The following UBN2 variants were observed in gnomAD, a reference collection of about 807,000 sequenced individuals.
The protein encoded by UBN2 is ubinuclein 2, also known as ubinuclein-2.
Under a neutral mutation model 120.2 loss-of-function variants are expected in UBN2, and 35 were observed. The observed-to-expected ratio is 0.29, with a 90% CI of 0.22 to 0.39. The LOEUF is 0.39. UBN2 is among the 10% of genes least tolerant of loss of function. UBN2 has a pLI of 1.00. For synonymous variants in UBN2, 661 were observed against 648.7 expected (o/e 1.02, Z -0.29); for missense variants, 1,693 against 1,663.2 (o/e 1.02, Z -0.31).
At position 139,237,012 on chromosome 7, in the gene UBN2, T is replaced by C; in HGVS notation, c.476T>C (p.Leu159Pro). 3.1e-6 allele frequency: 5 copies of C among 1,607,384 alleles called. No individual in the cohort carries two copies. The highest frequency in any genetic ancestry group is 1.7e-4 in the Middle Eastern group (1 of 6,030). The part of the protein sequence containing the change: ...LLLCGEQRKK[L>P]IHTEDPFNDE... ...CCATTCACCTTGAATCAGAAGAAGC[T>C]CATTCACACAGAAGACCCATTTAAT... The change falls in exon 2 of 18, where the codon CTC becomes CCC. Residue 159 changes from leucine (L) to proline (P), a missense_variant. Leu to Pro is a moderately conservative substitution (Grantham distance 98). Around this residue, in one of 5 missense-constraint regions of UBN2, gnomAD observed 663 missense variants for 591.2 expected, o/e 1.12. Transcript: ENST00000473989.
the UBN2 span, among the ~76,000 whole-genome samples, chr7:139,325,262 T>TTTC: frequency 0.015 from 1,062 of 70,318 alleles, 9 homozygotes; most frequent in East Asian, 0.042. Context: ...AAATCACTGC[T>TTTC]TTTTTTTTTT....
At chr7:139,323,857 A>G in the UBN2 span, among the ~76,000 whole-genome samples, 2 of 152,064 alleles carry the variant, frequency 1.3e-5, no homozygotes, top group East Asian at 3.9e-4. Context: ...CGTAGATGCA[A>G]GGAAAAAGCG....
intron 15 of UBN2, among the ~76,000 whole-genome samples, chr7:139,292,806 C>T (rs1050713629): frequency 1.3e-5 from 2 of 152,058 alleles, no homozygotes; most frequent in African/African-American, 2.4e-5. Flanking sequence ...ACCTTGGCCT[C>T]GTCTCTCTAA....
chr7:139,311,313 G>T (rs935152806), downstream of UBN2, among the ~76,000 whole-genome samples: 3 of 152,272 alleles, frequency 2.0e-5, no homozygotes, highest in South Asian at 2.1e-4. Context: ...GGCGTAGTTT[G>T]TTTTTTCTCC....
chr7:139,274,481 G>A (rs187213097), intron 11 of UBN2, among the ~76,000 whole-genome samples: 302 of 152,256 alleles, frequency 2.0e-3, no homozygotes, highest in Middle Eastern at 3.4e-3. Context: ...TCAGTGTAGA[G>A]GCCAGGCACA....
chr7:139,273,143 C>T (rs932029491), intron 9 of UBN2, among the ~76,000 whole-genome samples, 154 bp from the exon 10 acceptor site: 1 of 152,202 alleles, frequency 6.6e-6, no homozygotes, highest in African/African-American at 2.4e-5. Flanking sequence ...CTTTATAACT[C>T]CTTTCAAATT....
chr7:139,309,725 G>A (rs1355378590), downstream of UBN2, among the ~76,000 whole-genome samples: 11 of 152,128 alleles, frequency 7.2e-5, no homozygotes, highest in Admixed American at 7.2e-4. Flanking sequence ...TACAAAATTA[G>A]CTGGGCATGG....
intron 12 of UBN2, 187 bp downstream of exon 12, chr7:139,276,334 A>G (rs895289512): frequency 5.0e-6 from 3 of 596,864 alleles, no homozygotes; most frequent in Admixed American, 6.2e-5. Context: ...AACACCTACT[A>G]AATCCACACT....
At position 139,266,402 on chromosome 7, in the gene UBN2, G is replaced by T; in HGVS notation, c.1465G>T (p.Asp489Tyr). 6.7e-7 allele frequency: 1 copy of T among 1,483,678 alleles called. No homozygotes were observed. The highest frequency in any genetic ancestry group is 1.2e-5 in the South Asian group (1 of 81,790). 91.9% of individuals were successfully genotyped at this position (1,483,678 alleles called of 1,614,324 possible). ...ACAGGATATGAATAATATTCTTCTG[G>T]AGTAAGTAATTTTCTTTAAAAAAAA... ...FTQDMNNILL[D>Y]IELQLQELGP... is the part of the protein sequence containing the mutation. Residue 489 changes from aspartate to tyrosine, a missense_variant and splice_region_variant, in exon 7 of 18, where the codon GAC (aspartate) becomes TAC (tyrosine). Around this residue, in one of 5 missense-constraint regions of UBN2, gnomAD observed 178 missense variants for 204.0 expected, o/e 0.87. Transcript: ENST00000473989.
At position 139,293,216 on chromosome 7, in the gene UBN2, C is replaced by G. The variant is rs1247460119; in HGVS notation, c.3670-16C>G. On this transcript the variant is annotated splice_polypyrimidine_tract_variant and intron_variant, in intron 15 of 17. Transcript: ENST00000473989. ...GCTTTATTTCTTATGTATTTTGACC[C>G]CTGGTTTCTGCACAGTCCACAGCAG... 3.7e-6 allele frequency: 6 copies of G among 1,607,520 alleles called. No homozygotes were observed. In the East Asian group the frequency reaches 1.3e-4, roughly 36 times the overall value.
chr7:139,282,102 G>A (rs1420394609), intron 14 of UBN2, 47 bp downstream of exon 14: 1 of 1,557,048 alleles, frequency 6.4e-7, no homozygotes, highest in South Asian at 1.1e-5. Context: ...AACACTCTAG[G>A]TTTGTTTGGG....
chr7:139,255,236 CT>C (rs1393526209), intron 3 of UBN2, among the ~76,000 whole-genome samples: 1 of 152,068 alleles, frequency 6.6e-6, no homozygotes, highest in Non-Finnish European at 1.5e-5. Flanking sequence ...TTAATATCTC[CT>C]TTTATAGCAT....
At chr7:139,233,947 AT>A (rs1483715303) in intron 1 of UBN2, among the ~76,000 whole-genome samples, 3 of 152,020 alleles carry the variant, frequency 2.0e-5, no homozygotes, top group African/African-American at 7.2e-5. Flanking sequence ...TCAACCTTCT[AT>A]TTTTTTCATA....
intron 17 of UBN2, among the ~76,000 whole-genome samples, chr7:139,295,507 A>G (rs971335748): frequency 5.3e-5 from 8 of 152,226 alleles, no homozygotes; most frequent in Non-Finnish European, 8.8e-5. Context: ...TGTGGCTCAA[A>G]AAGACCCCAG....
At chr7:139,324,555 C>CAAAAAAAAAAAA in the UBN2 span, among the ~76,000 whole-genome samples, 2 of 68,916 alleles carry the variant, frequency 2.9e-5, no homozygotes, top group Non-Finnish European at 5.9e-5. Flanking sequence ...GACTCCATCT[C>CAAAAAAAAAAAA]AAAAAAAAAA....
chr7:139,307,119 A>G lies in UBN2; in HGVS notation c.*9283A>G, dbSNP rs1215463214. 1 of 152,206 alleles carries G rather than the reference A, an allele frequency of 6.6e-6. No individual in the cohort carries two copies. The highest frequency in any genetic ancestry group is 1.9e-4 in the East Asian group (1 of 5,204). 9.4% of individuals were successfully genotyped at this position (152,206 alleles called of 1,614,324 possible). A position where few individuals can be genotyped will look rare whatever the true frequency, so the allele number is the denominator to read the frequency against. ...TTCCCTCCAGTTACATCTTCCTCAT[A>G]CATTAGCCACCTCCACACTTGACAT... On this transcript the variant is annotated 3_prime_UTR_variant, in exon 18 of 18. Transcript: ENST00000473989.
At chr7:139,327,727 A>G in the UBN2 span, among the ~76,000 whole-genome samples, 1 of 152,198 alleles carries the variant, frequency 6.6e-6, no homozygotes, top group Non-Finnish European at 1.5e-5. Context: ...GCCTTAATGA[A>G]CTAATAGCAT....
the UBN2 span, among the ~76,000 whole-genome samples, chr7:139,329,366 C>G: frequency 6.7e-6 from 1 of 149,836 alleles, no homozygotes. Flanking sequence ...GACAGCAGTT[C>G]TTGACCCCAG....
chr7:139,305,832 C>T lies in UBN2; in HGVS notation c.*7996C>T, dbSNP rs1349112691. On this transcript the variant is annotated 3_prime_UTR_variant, in exon 18 of 18. Transcript: ENST00000473989. ...GGCATTTCATGACTTCCTCTTGTTA[C>T]TTTTCAAGGTTATTCTAAAGAGATG... 6.6e-6 allele frequency: 1 copy of T among 152,046 alleles called. No homozygotes were observed. The highest frequency in any genetic ancestry group is 1.5e-5 in the Non-Finnish European group (1 of 68,026). The allele number at this position is 152,046 out of a possible 1,614,324, so 9.4% of individuals were successfully genotyped here.
Sources: gnomAD v4.1 joint callset for allele counts (sites outside exome capture counted in the v4.1 genomes callset) on GRCh38, gnomAD v4.1.1 for gene constraint, gnomAD v4.1.1 regional missense constraint, MANE v1.5 for transcripts, NCBI Gene and HGNC (gene_info 2026-07-23, HGNC 2026-07-21) for gene names.